Variants in ARID4B observed in about 807,000 individuals in gnomAD.
ARID4B encodes the protein AT-rich interactive domain-containing protein 4B.
In ARID4B, 26 loss-of-function variants were observed where a neutral mutation model predicts 147.5. The observed-to-expected ratio is 0.18, with a 90% CI of 0.13 to 0.24. The LOEUF is 0.24. Among genes scored for constraint, ARID4B ranks in the 10% least tolerant of loss-of-function variants. The probability of loss-of-function intolerance (pLI) is 1.00; values close to 1 mark genes in which losing one functional copy is unlikely to be tolerated. For synonymous variants in ARID4B, 512 were observed against 507.9 expected (o/e 1.01, Z -0.11); for missense variants, 1,179 against 1,511.5 (o/e 0.78, Z 3.65).
chr1:235,259,405 C>T (rs59301776), intron 3 of ARID4B, among the ~76,000 whole-genome samples: 4,504 of 152,322 alleles, frequency 0.03, 220 homozygotes, highest in African/African-American at 0.1. Context: ...TATCTGCATG[C>T]CAAGCGCTGC....
intron 2 of ARID4B, among the ~76,000 whole-genome samples, chr1:235,298,016 A>G (rs1370753110): frequency 5.9e-5 from 9 of 152,202 alleles, no homozygotes; most frequent in Non-Finnish European, 1.3e-4. Context: ...TAAGGAATTA[A>G]TGTTAATGTT....
At chr1:235,221,012 C>A (rs1214115855) in intron 14 of ARID4B, among the ~76,000 whole-genome samples, 1 of 152,184 alleles carries the variant, frequency 6.6e-6, no homozygotes, top group Non-Finnish European at 1.5e-5. Context: ...ATTCTCCTGC[C>A]TCAGCCTCCT....
intron 3 of ARID4B, among the ~76,000 whole-genome samples, chr1:235,258,086 C>T (rs1427047517): frequency 2.6e-5 from 4 of 152,106 alleles, no homozygotes; most frequent in Non-Finnish European, 5.9e-5. Context: ...AATCCCAGCA[C>T]TTTGGAAGGC....
At chr1:235,184,366 C>T (rs1232187270) in intron 19 of ARID4B, among the ~76,000 whole-genome samples, 3 of 151,854 alleles carry the variant, frequency 2.0e-5, no homozygotes, top group African/African-American at 7.3e-5. Flanking sequence ...ATCAGCCCCA[C>T]TTTATAGTTC....
At chr1:235,193,167 C>A (rs1033709575) in intron 19 of ARID4B, among the ~76,000 whole-genome samples, 3 of 151,862 alleles carry the variant, frequency 2.0e-5, no homozygotes, top group Non-Finnish European at 2.9e-5. Flanking sequence ...GAGGCTAAGA[C>A]AGGCCAATTG....
chr1:235,289,450 G>A (rs1199959480), intron 2 of ARID4B, among the ~76,000 whole-genome samples: 1 of 152,088 alleles, frequency 6.6e-6, no homozygotes, highest in Admixed American at 6.5e-5. Flanking sequence ...TTCAGGCCAG[G>A]CAAAGTGGTT....
intron 6 of ARID4B, 27 bp downstream of exon 6, chr1:235,252,703 A>G (rs773379621): frequency 3.8e-6 from 6 of 1,592,044 alleles, no homozygotes; most frequent in Non-Finnish European, 5.1e-6. Context: ...ATATTAAGAC[A>G]TGTTCATTTG....
In ARID4B at chr1:235,182,247, G is replaced by A; in HGVS notation, c.2672C>T (p.Thr891Ile). 6.2e-7 allele frequency: 1 copy of A among 1,612,918 alleles called. No homozygotes were observed. Among genetic ancestry groups the A allele is most frequent in the Non-Finnish European group, 8.5e-7 (1 of 1,179,768 alleles). The change falls in exon 20 of 24, where the codon ACA becomes ATA. Residue 891 changes from threonine (T) to isoleucine (I), a missense_variant. Transcript: ENST00000264183. ...TGAAAATCCTGAATAGAAACCAGTT[G>A]TCCGTAGAGATTTTCTTTTTTCCTC... ...GLEEKRKSLRTTGFYSGFSEV... is the reference protein window; with the variant it reads ...GLEEKRKSLRITGFYSGFSEV...
intron 2 of ARID4B, among the ~76,000 whole-genome samples, chr1:235,272,907 G>C (rs940167885): frequency 5.9e-5 from 9 of 152,124 alleles, no homozygotes; most frequent in Non-Finnish European, 1.0e-4. Flanking sequence ...TTCAAGAATA[G>C]GTATGAGCAG....
At chr1:235,284,057 A>C (rs958183882) in intron 2 of ARID4B, among the ~76,000 whole-genome samples, 1 of 152,150 alleles carries the variant, frequency 6.6e-6, no homozygotes, top group East Asian at 1.9e-4. Flanking sequence ...TTTAAAACAA[A>C]TCAACATTAA....
chr1:235,171,972 T>G (rs1199417464), intron 23 of ARID4B, among the ~76,000 whole-genome samples: 4 of 152,090 alleles, frequency 2.6e-5, no homozygotes, highest in Admixed American at 1.3e-4. Context: ...TCTCACTTCC[T>G]CATGTCATTC....
chr1:235,179,560 A>G (rs982844318), intron 20 of ARID4B, among the ~76,000 whole-genome samples: 2 of 149,472 alleles, frequency 1.3e-5, no homozygotes, highest in Admixed American at 6.7e-5. Flanking sequence ...AAAACCCAAC[A>G]AAAAGAAAAA....
intron 17 of ARID4B, among the ~76,000 whole-genome samples, chr1:235,199,947 C>T (rs1665772920): frequency 6.9e-6 from 1 of 145,354 alleles, no homozygotes; most frequent in African/African-American, 2.6e-5. Context: ...TTACCCATTA[C>T]AATACTACCC....
chr1:235,318,873 C>T (rs1674625675), intron 2 of ARID4B, among the ~76,000 whole-genome samples: 1 of 151,748 alleles, frequency 6.6e-6, no homozygotes, highest in South Asian at 2.1e-4. Context: ...AGAATCAAAA[C>T]TCTTCTCAAA....
chr1:235,248,580 A>AAG (rs936452301), intron 6 of ARID4B, among the ~76,000 whole-genome samples: 1 of 152,118 alleles, frequency 6.6e-6, no homozygotes, highest in Non-Finnish European at 1.5e-5. Context: ...AGAAAAATAA[A>AAG]AGAGAGAGAG....
At chr1:235,183,883 A>C (rs1184189959) in intron 19 of ARID4B, among the ~76,000 whole-genome samples, 1 of 152,070 alleles carries the variant, frequency 6.6e-6, no homozygotes, top group East Asian at 1.9e-4. Context: ...TCCTGGGCTC[A>C]AATGATCCTC....
In ARID4B at chr1:235,167,939, A is replaced by G. The variant is rs1182900107; in HGVS notation, c.*586T>C. The G allele has an allele frequency of 5.1e-6, 1 of 196,586 alleles. No individual in the cohort carries two copies. Among genetic ancestry groups the G allele is most frequent in the Non-Finnish European group, 1.1e-5 (1 of 94,490 alleles). The allele number at this position is 196,586 out of a possible 1,614,324, so 12.2% of individuals were successfully genotyped here. A position where few individuals can be genotyped will look rare whatever the true frequency, so the allele number is the denominator to read the frequency against. On this transcript the variant is annotated 3_prime_UTR_variant, in exon 24 of 24. Coordinates refer to ENST00000264183, the MANE Select transcript of ARID4B (RefSeq NM_016374.6). Reference sequence around the variant, plus strand: ...TTTAGCCTAATTCAAACCTGTAAACATGTTCAGTCTTTTTTAAAGAGAATC... The same window carrying G: ...TTTAGCCTAATTCAAACCTGTAAACGTGTTCAGTCTTTTTTAAAGAGAATC...
chr1:235,172,685 C>T lies in ARID4B; in HGVS notation c.3744G>A (p.Leu1248=), dbSNP rs1663454670. The T allele has an allele frequency of 2.5e-6, 4 of 1,607,488 alleles. No individual in the cohort carries two copies. Among genetic ancestry groups the T allele is most frequent in the African/African-American group, 1.3e-5 (1 of 74,612 alleles). ...EKLQEIRKHY[L]SLKSEVASID... is the part of the protein sequence containing the mutation. ...TGGAAGCTACTTCAGATTTTAATGACAGATAATGTTTTCTGATTTCTTGAA... is the reference window on the plus strand; with the variant it reads ...TGGAAGCTACTTCAGATTTTAATGATAGATAATGTTTTCTGATTTCTTGAA... Residue 1248 remains leucine, a synonymous_variant, in exon 23 of 24, where the codon CTG becomes CTA. Coordinates refer to ENST00000264183, the MANE Select transcript of ARID4B (RefSeq NM_016374.6).
chr1:235,234,417 T>G lies in ARID4B; in HGVS notation c.661A>C (p.Lys221Gln). 6.3e-7 allele frequency: 1 copy of G among 1,592,968 alleles called. No homozygotes were observed. Residue 221 changes from lysine to glutamine, a missense_variant, in exon 9 of 24, where the codon AAA becomes CAA. Lys to Gln is a moderately conservative substitution (Grantham distance 53). This residue lies in a region of ARID4B where 159 missense variants were observed against 190.5 expected (regional missense o/e 0.83). Transcript: ENST00000264183. ...NILVRSFKDGKFTSVPRKDVH... is the reference protein window; with the variant it reads ...NILVRSFKDGQFTSVPRKDVH... Reference sequence around the variant, plus strand: ...AACCAAGTAAATTATACTTACAATTTTCCATCTTTGAAAGATCGAACAAGA... The same window carrying G: ...AACCAAGTAAATTATACTTACAATTGTCCATCTTTGAAAGATCGAACAAGA...
Sources: allele counts gnomAD v4.1 joint callset (sites outside exome capture counted in the v4.1 genomes callset), GRCh38; gene constraint gnomAD v4.1.1; regional missense constraint gnomAD v4.1.1; transcripts MANE v1.5; gene names NCBI Gene and HGNC (gene_info 2026-07-23, HGNC 2026-07-21).